SPTLC2: variants seen among roughly 807,000 people sequenced by gnomAD.
The protein encoded by SPTLC2 is serine palmitoyltransferase 2.
A neutral mutation model predicts 62.0 loss-of-function variants in SPTLC2; 21 were observed. The ratio of observed to expected loss-of-function variants is 0.34; its 90% CI spans 0.24 to 0.49. The LOEUF (loss-of-function observed/expected upper bound fraction) is 0.49. Ranked by LOEUF, SPTLC2 falls within the 20% of genes least tolerant of loss-of-function variation. SPTLC2 has a pLI of 0.99. For missense variants in SPTLC2, 511 were observed against 713.0 expected (o/e 0.72, Z 3.23); for synonymous variants, 261 against 261.8 (o/e 1.00, Z 0.03).
At chr14:77,599,685 T>C (rs1208887641) in intron 1 of SPTLC2, among the ~76,000 whole-genome samples, 3 of 152,228 alleles carry the variant, frequency 2.0e-5, no homozygotes, top group Non-Finnish European at 4.4e-5. Context: ...AAAAGTTTGG[T>C]GTCAATATTT....
intron 1 of SPTLC2, among the ~76,000 whole-genome samples, chr14:77,609,543 C>A (rs56812919): frequency 0.18 from 26,664 of 152,084 alleles, 2,791 homozygotes; most frequent in South Asian, 0.28. Flanking sequence ...TGAGACCAGC[C>A]TGACCAACAT....
At chr14:77,515,342 T>C (rs1381622231) in intron 11 of SPTLC2, among the ~76,000 whole-genome samples, 1 of 152,192 alleles carries the variant, frequency 6.6e-6, no homozygotes, top group African/African-American at 2.4e-5. Flanking sequence ...CATTTTTTTC[T>C]GAGAAATGCT....
At chr14:77,549,528 T>C (rs1368287026) in intron 9 of SPTLC2, among the ~76,000 whole-genome samples, 1 of 152,056 alleles carries the variant, frequency 6.6e-6, no homozygotes, top group Admixed American at 6.6e-5. Flanking sequence ...CCAGGTGACA[T>C]GTGAGTGGAA....
chr14:77,529,642 T>TTC (rs869265987), intron 9 of SPTLC2, among the ~76,000 whole-genome samples: 2 of 94,948 alleles, frequency 2.1e-5, no homozygotes, highest in Non-Finnish European at 4.3e-5. Flanking sequence ...TTTTTTTTTT[T>TTC]GAGACAGAGT....
chr14:77,606,289 G>A lies in SPTLC2; in HGVS notation c.133-8909C>T, dbSNP rs908469277. On this transcript the variant is annotated intron_variant, in intron 1 of 11. Coordinates refer to ENST00000216484, the MANE Select transcript of SPTLC2 (RefSeq NM_004863.4). ...AGGTTGCAGTGAGCCAAAACCGCGT[G>A]CCACTGCACTCCAGCCTGGGCAACA... Among the ~76,000 whole-genome samples, 5 of 152,292 alleles carry A rather than the reference G, an allele frequency of 3.3e-5. 1 individual carries two copies. The highest frequency in any genetic ancestry group is 2.1e-4 in the South Asian group (1 of 4,830).
At chr14:77,598,597 A>G (rs2079860914) in intron 1 of SPTLC2, among the ~76,000 whole-genome samples, 1 of 152,230 alleles carries the variant, frequency 6.6e-6, no homozygotes, top group Non-Finnish European at 1.5e-5. Flanking sequence ...GTTGGTAGTG[A>G]TAACACAAGT....
chr14:77,549,844 T>C (rs1038939550), intron 9 of SPTLC2, among the ~76,000 whole-genome samples: 3 of 152,234 alleles, frequency 2.0e-5, no homozygotes, highest in African/African-American at 7.2e-5. Flanking sequence ...AAGTCATTTA[T>C]CTGGGGGTAA....
At chr14:77,529,634 T>C (rs866646462) in intron 9 of SPTLC2, among the ~76,000 whole-genome samples, 2 of 139,500 alleles carry the variant, frequency 1.4e-5, no homozygotes, top group African/African-American at 5.1e-5. Context: ...TTTTTTTTTT[T>C]TTTTTTTTGA....
At chr14:77,571,327 T>C (rs2079681316) in intron 4 of SPTLC2, among the ~76,000 whole-genome samples, 1 of 151,988 alleles carries the variant, frequency 6.6e-6, no homozygotes, top group Non-Finnish European at 1.5e-5. Context: ...CCTGGCAACA[T>C]GGTGAAACCT....
intron 10 of SPTLC2, among the ~76,000 whole-genome samples, chr14:77,520,521 A>C (rs2079380315): frequency 6.6e-6 from 1 of 152,246 alleles, no homozygotes. Flanking sequence ...GATCCAGCTC[A>C]AAACTCACCC....
At chr14:77,561,401 G>A (rs149852710) in intron 6 of SPTLC2, among the ~76,000 whole-genome samples, 189 of 152,134 alleles carry the variant, frequency 1.2e-3, no homozygotes, top group African/African-American at 3.7e-3. Flanking sequence ...ACTGAAGTCG[G>A]GAGTTCAAGA....
intron 9 of SPTLC2, among the ~76,000 whole-genome samples, chr14:77,551,005 T>G (rs530486990): frequency 2.0e-4 from 30 of 152,010 alleles, no homozygotes; most frequent in Admixed American, 1.6e-3. Context: ...AAATCAATCT[T>G]ACAATAAAGT....
chr14:77,602,735 T>TA (rs1296472004), intron 1 of SPTLC2, among the ~76,000 whole-genome samples: 1 of 152,034 alleles, frequency 6.6e-6, no homozygotes, highest in Non-Finnish European at 1.5e-5. Flanking sequence ...ATTAATACAA[T>TA]AAATATTTAC....
At chr14:77,610,792 T>A (rs533948803) in intron 1 of SPTLC2, among the ~76,000 whole-genome samples, 1 of 151,700 alleles carries the variant, frequency 6.6e-6, no homozygotes, top group African/African-American at 2.4e-5. Flanking sequence ...ACACCTATAA[T>A]CTCAGCACTT....
At chr14:77,537,517 T>C (rs1199491987) in intron 9 of SPTLC2, among the ~76,000 whole-genome samples, 2 of 152,166 alleles carry the variant, frequency 1.3e-5, no homozygotes, top group African/African-American at 4.8e-5. Flanking sequence ...CAAGTTGAAA[T>C]ACGCTGGGAA....
chr14:77,564,400 T>TACACACACACAC (rs6145397), intron 5 of SPTLC2, among the ~76,000 whole-genome samples: 96 of 139,402 alleles, frequency 6.9e-4, no homozygotes, highest in African/African-American at 2.2e-3. Flanking sequence ...TATGCATGCA[T>TACACACACACAC]ACACACACAC....
At chr14:77,589,246 T>C (rs912757834) in intron 2 of SPTLC2, among the ~76,000 whole-genome samples, 4 of 152,100 alleles carry the variant, frequency 2.6e-5, no homozygotes, top group Non-Finnish European at 5.9e-5. Context: ...GTCTGTCCTT[T>C]CCTGTTTTTA....
chr14:77,564,293 GAAGAGGAGGAGA>G (rs2079631501), intron 5 of SPTLC2, among the ~76,000 whole-genome samples: 1 of 80,964 alleles, frequency 1.2e-5, no homozygotes, highest in African/African-American at 4.5e-5. Context: ...GGAAAAGGAG[GAAGAGGAGGAGA>G]AGGAGGAGAA....
chr14:77,538,231 C>T (rs1254599529), intron 9 of SPTLC2, among the ~76,000 whole-genome samples: 3 of 152,166 alleles, frequency 2.0e-5, no homozygotes, highest in Non-Finnish European at 4.4e-5. Context: ...TCACATCACC[C>T]AGTAATTATC....
Sources: allele counts gnomAD v4.1 joint callset (sites outside exome capture counted in the v4.1 genomes callset), GRCh38; gene constraint gnomAD v4.1.1; transcripts MANE v1.5; gene names NCBI Gene and HGNC (gene_info 2026-07-23, HGNC 2026-07-21).